PIH1D1: variants seen among roughly 807,000 people sequenced by gnomAD.
PIH1D1 encodes PIH1 domain containing 1.
In PIH1D1, 28 loss-of-function variants were observed where a neutral mutation model predicts 38.5. The observed-to-expected ratio is 0.73, with a 90% confidence interval of 0.54 to 1.00. The LOEUF (loss-of-function observed/expected upper bound fraction) is 1.00, where lower values mean the gene tolerates loss of function less well. PIH1D1 is among the 50% of genes least tolerant of loss of function. PIH1D1 has a pLI of 0.00. For synonymous variants in PIH1D1, 155 were observed against 153.5 expected (o/e 1.01, Z -0.07); for missense variants, 343 against 369.9 (o/e 0.93, Z 0.60).
chr19:49,447,669 T>C lies in PIH1D1; in HGVS notation c.481+158A>G, dbSNP rs2079032709. On this transcript the variant is annotated intron_variant, in intron 5 of 8. Transcript: ENST00000262265. ...CCAATAAAACCCACCCCTGGAGATG[T>C]TCCTGGCCCCGCCCCCTCAGGGCGT... 6.1e-5 allele frequency: 58 copies of C among 948,588 alleles called. No homozygotes were observed. In the South Asian group the frequency reaches 8.5e-4, roughly 14 times the overall value. 58.8% of individuals were successfully genotyped at this position (948,588 alleles called of 1,614,324 possible).
intron 2 of PIH1D1, 59 bp downstream of exon 2, chr19:49,450,723 T>C: frequency 1.5e-6 from 1 of 653,810 alleles, no homozygotes; most frequent in Non-Finnish European, 2.3e-6. Flanking sequence ...CTTTCCTTCC[T>C]CCTCTCTCTG....
chr19:49,447,088 G>A lies in PIH1D1; in HGVS notation c.623C>T (p.Pro208Leu), dbSNP rs761146557. Residue 208 changes from proline (P) to leucine (L), a missense_variant, in exon 7 of 9, where the codon CCT becomes CTT. Coordinates refer to ENST00000262265, the MANE Select transcript of PIH1D1 (RefSeq NM_017916.3). ...PGRAESGPEK[P>L]HLNLWLEAPD... ...GGCTTCCAGCCACAGGTTCAGGTGAGGCTTTTCAGGCCTGAGGAGGAACAA... is the reference window on the plus strand; with the variant it reads ...GGCTTCCAGCCACAGGTTCAGGTGAAGCTTTTCAGGCCTGAGGAGGAACAA... The A allele has an allele frequency of 6.2e-7, 1 of 1,612,652 alleles. No homozygotes were observed. Among genetic ancestry groups the A allele is most frequent in the South Asian group, 1.1e-5 (1 of 90,992 alleles).
Position 49,447,451 on chromosome 19 carries a change from C to A in PIH1D1, c.498G>T (p.Lys166Asn). The change falls in exon 6 of 9, where the codon AAG becomes AAT. Residue 166 changes from lysine (K) to asparagine (N), a missense_variant. Coordinates refer to ENST00000262265, the MANE Select transcript of PIH1D1 (RefSeq NM_017916.3). ...LQLNPEWRMM[K>N]NRPFMGSISQ... The stretch of plus-strand genomic sequence containing the variant: ...AGATGGAGCCCATGAATGGCCGGTT[C>A]TTCATCATGCGCCATTCTGAGGGTC... 6.2e-7 allele frequency: 1 copy of A among 1,610,208 alleles called. No individual in the cohort carries two copies. Among genetic ancestry groups the A allele is most frequent in the South Asian group, 1.1e-5 (1 of 91,080 alleles).
At chr19:49,449,680 A>T (rs1235363116) in intron 2 of PIH1D1, 26 bp from the exon 3 acceptor site, 1 of 1,593,982 alleles carries the variant, frequency 6.3e-7, no homozygotes, top group African/African-American at 1.3e-5. Context: ...TAGTCATGAC[A>T]ATCCTTTTCT....
intron 5 of PIH1D1, 49 bp from the exon 6 acceptor site, chr19:49,447,516 T>C (rs758666105): frequency 1.9e-6 from 3 of 1,596,458 alleles, no homozygotes; most frequent in East Asian, 4.5e-5. Context: ...GGGTTCCCTT[T>C]GTGGGGGCCA....
At position 49,449,623 on chromosome 19, in the gene PIH1D1, C is replaced by T. The variant is rs1185364403; in HGVS notation, c.189G>A (p.Gly63=). 2 of 1,614,104 alleles carry T rather than the reference C, an allele frequency of 1.2e-6. No individual in the cohort carries two copies. The highest frequency in any genetic ancestry group is 2.2e-5 in the South Asian group (2 of 91,080). ...AGTGGCAGATGTTGATGAAAACCTTCCCTTCCGAGGAGTTGGTCTTTATGC... is the reference window on the plus strand; with the variant it reads ...AGTGGCAGATGTTGATGAAAACCTTTCCTTCCGAGGAGTTGGTCTTTATGC... ...GFCIKTNSSE[G]KVFINICHSP... Residue 63 remains glycine (G), a synonymous_variant, in exon 3 of 9, where the codon GGG becomes GGA. Transcript: ENST00000262265.
At chr19:49,447,647 A>G (rs2079032561) in intron 5 of PIH1D1, 180 bp from the exon 6 acceptor site, 2 of 923,912 alleles carry the variant, frequency 2.2e-6, no homozygotes, top group Non-Finnish European at 3.3e-6. Context: ...ATATGCCCCA[A>G]TAAAACCCAC....
At position 49,447,012 on chromosome 19, in the gene PIH1D1, C is replaced by T; in HGVS notation, c.687+12G>A. ...CTCATTCCCCTGCTCTGGTCCAGCG[C>T]GCAAAACTCACCAGTTTGGGGAGGT... On this transcript the variant is annotated intron_variant, in intron 7 of 8. Coordinates refer to ENST00000262265, the MANE Select transcript of PIH1D1 (RefSeq NM_017916.3). The T allele has an allele frequency of 1.2e-6, 2 of 1,606,880 alleles. No homozygotes were observed. Among genetic ancestry groups the T allele is most frequent in the East Asian group, 4.5e-5 (2 of 44,866 alleles).
In PIH1D1 at chr19:49,447,418, C is replaced by A; in HGVS notation, c.531G>T (p.Gln177His). The change falls in exon 6 of 9, where the codon CAG becomes CAT. Residue 177 changes from glutamine (Q) to histidine (H), a missense_variant. Physicochemically the swap from Gln to His is conservative, Grantham distance 24 (BLOSUM62 0). Transcript: ENST00000262265. Reference protein sequence around the residue: ...NRPFMGSISQQNIRSEQRPRI... With the variant: ...NRPFMGSISQHNIRSEQRPRI... ...GAGGACGCTGCTCCGAGCGGATGTT[C>A]TGCTGCGAGATGGAGCCCATGAATG... The A allele has an allele frequency of 6.2e-7, 1 of 1,612,908 alleles. No homozygotes were observed. The highest frequency in any genetic ancestry group is 8.5e-7 in the Non-Finnish European group (1 of 1,179,974).
At chr19:49,448,187 T>C (rs1484274904) in intron 3 of PIH1D1, 125 bp from the exon 4 acceptor site, 2 of 961,876 alleles carry the variant, frequency 2.1e-6, no homozygotes, top group East Asian at 2.6e-5. Context: ...CATAAGGAAG[T>C]GAGAGCTGGG....
rs572582819 is a variant in PIH1D1 at position 49,450,934 on chromosome 19, T to C, written c.91-86A>G. The C allele has an allele frequency of 3.1e-6, 5 of 1,608,028 alleles. 1 individual carries two copies. In the African/African-American group the frequency reaches 5.3e-5, roughly 17 times the overall value. The stretch of plus-strand genomic sequence containing the variant: ...CCTCAAATGGAGCAATTCTTATGCA[T>C]GAGAGCTGTGGATAACGCGAGAAAT... On this transcript the variant is annotated intron_variant, in intron 1 of 8. Transcript: ENST00000262265.
In PIH1D1 at chr19:49,446,733, C is replaced by G. The variant is rs377607702; in HGVS notation, c.688-39G>C. The G allele has an allele frequency of 3.3e-4, 505 of 1,528,270 alleles. 6 individuals carry two copies. The South Asian group carries it at 6.0e-3, about 18-fold the overall frequency. The allele number at this position is 1,528,270 out of a possible 1,614,324, so 94.7% of individuals were successfully genotyped here. ...GGAATCAGGTCACCCTCCCCAGCAA[C>G]AGGATGATCACCTGGACCAGGCATG... On this transcript the variant is annotated intron_variant, in intron 7 of 8. Coordinates refer to ENST00000262265, the MANE Select transcript of PIH1D1 (RefSeq NM_017916.3).
Position 49,447,162 on chromosome 19 carries a change from CT to C in PIH1D1, c.612-64del. The stretch of plus-strand genomic sequence containing the variant: ...CAGGTCTTTGCCTGGCGTGCTGTCC[CT>C]TTTCTCCCTCCAACCAGCCCTATTG... On this transcript the variant is annotated intron_variant, in intron 6 of 8. Transcript: ENST00000262265. 2.0e-6 allele frequency: 3 copies of C among 1,503,514 alleles called. No homozygotes were observed. In the South Asian group the frequency reaches 3.5e-5, roughly 18 times the overall value. 93.1% of individuals were successfully genotyped at this position (1,503,514 alleles called of 1,614,324 possible). A position where few individuals can be genotyped will look rare whatever the true frequency, so the allele number is the denominator to read the frequency against.
At chr19:49,451,449 C>A in intron 1 of PIH1D1, 36 bp downstream of exon 1, 1 of 1,612,814 alleles carries the variant, frequency 6.2e-7, no homozygotes, top group Non-Finnish European at 8.5e-7. Flanking sequence ...CCAAAATCCC[C>A]GAATACTCAA....
Position 49,447,984 on chromosome 19 carries a change from G to A in PIH1D1, c.399+17C>T, listed in dbSNP as rs752886921. On this transcript the variant is annotated intron_variant, in intron 4 of 8. Transcript: ENST00000262265. ...AGAGACCCCTGCCCAGGCCTCAACC[G>A]CAGCCCCGCCCCCAACCTGCATCCT... is the stretch of plus-strand genomic sequence containing the variant. 8.1e-6 allele frequency: 13 copies of A among 1,613,268 alleles called. No homozygotes were observed. Among genetic ancestry groups the A allele is most frequent in the Non-Finnish European group, 4.2e-6 (5 of 1,179,694 alleles).
intron 1 of PIH1D1, 136 bp downstream of exon 1, chr19:49,451,349 A>C (rs1464076766): frequency 7.7e-7 from 1 of 1,294,634 alleles, no homozygotes; most frequent in Non-Finnish European, 1.1e-6. Context: ...ATTTCTTAGC[A>C]AACTTGAAGC....
At position 49,446,575 on chromosome 19, in the gene PIH1D1, C is replaced by G; in HGVS notation, c.807G>C (p.Lys269Asn). The G allele has an allele frequency of 1.2e-6, 2 of 1,614,098 alleles. No individual in the cohort carries two copies. The highest frequency in any genetic ancestry group is 1.7e-6 in the Non-Finnish European group (2 of 1,179,996). ...IPLQINSHESKAAFHRKRKQL... is the reference protein window; with the variant it reads ...IPLQINSHESNAAFHRKRKQL... ...CCTTTCTCTTCCGGTGGAAGGCTGC[C>G]TTGCTCTCATGAGAGTTGATCTGCA... The change falls in exon 8 of 9, where the codon AAG becomes AAC. Residue 269 changes from lysine to asparagine, a missense_variant. By Grantham distance (94) the Lys-to-Asn change is moderately conservative (BLOSUM62 0). Coordinates refer to ENST00000262265, the MANE Select transcript of PIH1D1 (RefSeq NM_017916.3).
chr19:49,448,166 G>C, intron 3 of PIH1D1, 104 bp from the exon 4 acceptor site: 14 of 1,164,542 alleles, frequency 1.2e-5, no homozygotes, highest in Non-Finnish European at 1.8e-5. Flanking sequence ...GCCGTAAGAA[G>C]CAGAGAGAGA....
intron 3 of PIH1D1, 92 bp from the exon 4 acceptor site, chr19:49,448,154 C>T: frequency 2.3e-6 from 3 of 1,285,068 alleles, no homozygotes; most frequent in Non-Finnish European, 3.3e-6. Context: ...TCAGGGACAG[C>T]GGCCGTAAGA....
Sources: gnomAD v4.1 joint callset for allele counts on GRCh38, gnomAD v4.1.1 for gene constraint, MANE v1.5 for transcripts, NCBI Gene and HGNC (gene_info 2026-07-23, HGNC 2026-07-21) for gene names.